The following USP34 variants were observed in gnomAD, a reference collection of about 807,000 sequenced individuals.
The protein encoded by USP34 is ubiquitin specific peptidase 34, also known as ubiquitin carboxyl-terminal hydrolase 34.
Under a neutral mutation model 460.3 loss-of-function variants are expected in USP34, and 70 were observed. The observed-to-expected ratio is 0.15, with a 90% CI of 0.13 to 0.19. USP34 has a LOEUF of 0.19. USP34 is among the 10% of genes least tolerant of loss of function. USP34 has a pLI of 1.00. For synonymous variants in USP34, 1,647 were observed against 1,405.3 expected, an observed-to-expected ratio of 1.17 and a Z score of -3.85; for missense variants, 3,985 against 4,236.2, an observed-to-expected ratio of 0.94 and a Z score of 1.65.
intron 19 of USP34, among the ~76,000 whole-genome samples, chr2:61,333,079 C>A (rs1014444140): frequency 5.3e-5 from 8 of 152,018 alleles, no homozygotes; most frequent in African/African-American, 9.7e-5. Flanking sequence ...CGAAATCTCT[C>A]CAAAAGCTTA....
At chr2:61,235,988 C>T (rs764857382) in intron 56 of USP34, 38 bp downstream of exon 56, 3 of 1,598,374 alleles carry the variant, frequency 1.9e-6, no homozygotes, top group Admixed American at 3.6e-5. Flanking sequence ...CTGATAAAAA[C>T]ATAAATGACA....
chr2:61,449,097 C>A (rs753796629), intron 1 of USP34, among the ~76,000 whole-genome samples: 1 of 151,896 alleles, frequency 6.6e-6, no homozygotes, highest in Non-Finnish European at 1.5e-5. Context: ...GTGGATGTTG[C>A]GGTGAGCCAA....
chr2:61,325,077 G>A (rs983778070), intron 21 of USP34, among the ~76,000 whole-genome samples: 3 of 152,012 alleles, frequency 2.0e-5, no homozygotes, highest in African/African-American at 7.3e-5. Context: ...GAAACTAACA[G>A]ACACTGGAGT....
At chr2:61,315,517 G>A (rs1189267623) in intron 23 of USP34, among the ~76,000 whole-genome samples, 1 of 152,052 alleles carries the variant, frequency 6.6e-6, no homozygotes, top group East Asian at 1.9e-4. Flanking sequence ...GGGATTACAG[G>A]CATGCGCCAC....
At chr2:61,208,255 A>T (rs1687177048) in intron 70 of USP34, 1 of 152,178 alleles carries the variant, frequency 6.6e-6, no homozygotes, top group South Asian at 2.1e-4. Context: ...AAAAGAACGC[A>T]ACCATCTGTC....
At chr2:61,349,981 T>C (rs566005818) in intron 12 of USP34, among the ~76,000 whole-genome samples, 7 of 151,980 alleles carry the variant, frequency 4.6e-5, no homozygotes, top group Admixed American at 1.3e-4. Flanking sequence ...ACAAAACTTG[T>C]TTGTTTACAA....
Position 61,248,695 on chromosome 2 carries a change from GAAAA to G in USP34, c.6222-16_6222-13del, listed in dbSNP as rs755641845. ...TCTTAAAACATGCCCTGAGAGACAA[GAAAA>G]AAATTAATAAAGATTATTTTTTACA... On this transcript the variant is annotated splice_polypyrimidine_tract_variant and intron_variant, in intron 48 of 79. Transcript: ENST00000398571. The G allele has an allele frequency of 2.1e-5, 33 of 1,535,048 alleles. No homozygotes were observed. The African/African-American group carries it at 2.4e-4, about 11-fold the overall frequency.
intron 1 of USP34, among the ~76,000 whole-genome samples, chr2:61,446,416 A>G (rs1695118464): frequency 6.6e-6 from 1 of 152,220 alleles, no homozygotes; most frequent in South Asian, 2.1e-4. Context: ...CTTCTTCAAT[A>G]TTACACCAAA....
chr2:61,434,183 T>C (rs1188502318), intron 1 of USP34, among the ~76,000 whole-genome samples: 4 of 152,156 alleles, frequency 2.6e-5, no homozygotes, highest in Non-Finnish European at 4.4e-5. Context: ...CTCTGCCCCA[T>C]GTAGACATGC....
At chr2:61,330,191 C>T in intron 20 of USP34, among the ~76,000 whole-genome samples, 1 of 152,176 alleles carries the variant, frequency 6.6e-6, no homozygotes, top group East Asian at 1.9e-4. Flanking sequence ...GACAAGTTGT[C>T]ATATCATATA....
chr2:61,417,535 A>G (rs1394035147), intron 2 of USP34, among the ~76,000 whole-genome samples: 3 of 152,172 alleles, frequency 2.0e-5, no homozygotes, highest in African/African-American at 4.8e-5. Flanking sequence ...TGTAAAATTT[A>G]AAACTGTACT....
chr2:61,272,869 G>C (rs1308934493), intron 41 of USP34, among the ~76,000 whole-genome samples: 1 of 152,140 alleles, frequency 6.6e-6, no homozygotes, highest in Non-Finnish European at 1.5e-5. Flanking sequence ...GGAAGTAATA[G>C]AATTACTTGC....
intron 1 of USP34, among the ~76,000 whole-genome samples, chr2:61,462,692 C>G (rs766819803): frequency 1.3e-5 from 2 of 151,902 alleles, no homozygotes; most frequent in Non-Finnish European, 2.9e-5. Context: ...GAAACCCCAT[C>G]TCTACTAAAT....
At chr2:61,224,272 C>T (rs1034476457) in intron 62 of USP34, among the ~76,000 whole-genome samples, 1 of 152,140 alleles carries the variant, frequency 6.6e-6, no homozygotes, top group Non-Finnish European at 1.5e-5. Flanking sequence ...GGTCATTTGT[C>T]CTGTAGTTTC....
chr2:61,203,931 TA>T (rs5831600), intron 74 of USP34, among the ~76,000 whole-genome samples: 53 of 144,068 alleles, frequency 3.7e-4, no homozygotes, highest in Admixed American at 6.2e-4. Flanking sequence ...ATGGCCAAAT[TA>T]AAAAAAAAAA....
At chr2:61,348,680 T>C (rs1691846499) in intron 14 of USP34, 76 bp downstream of exon 14, 2 of 1,528,912 alleles carry the variant, frequency 1.3e-6, no homozygotes, top group Non-Finnish European at 1.8e-6. Context: ...GAATTATGTA[T>C]ATATACCCAA....
intron 23 of USP34, among the ~76,000 whole-genome samples, chr2:61,315,750 A>G (rs1690724455): frequency 6.6e-6 from 1 of 152,194 alleles, no homozygotes; most frequent in Admixed American, 6.5e-5. Flanking sequence ...AAAAGTGGCG[A>G]GTGGAAGCTT....
At chr2:61,314,166 G>GA (rs140445487) in intron 25 of USP34, among the ~76,000 whole-genome samples, 24 of 147,122 alleles carry the variant, frequency 1.6e-4, no homozygotes, top group South Asian at 6.4e-4. Flanking sequence ...AGTCCAGGAA[G>GA]AAAAAAAAAA....
chr2:61,230,036 T>TAC (rs1687844432), intron 58 of USP34, among the ~76,000 whole-genome samples: 1 of 148,158 alleles, frequency 6.7e-6, no homozygotes, highest in Admixed American at 6.9e-5. Flanking sequence ...TCTTTAAAGA[T>TAC]ACACAAGTGA....
Sources: allele counts gnomAD v4.1 joint callset (sites outside exome capture counted in the v4.1 genomes callset), GRCh38; gene constraint gnomAD v4.1.1; transcripts MANE v1.5; gene names NCBI Gene and HGNC (gene_info 2026-07-23, HGNC 2026-07-21).